The following ZNF385D variants were observed in gnomAD, a reference collection of about 807,000 sequenced individuals.
ZNF385D encodes the protein zinc finger protein 385D.
Under a neutral mutation model 35.8 loss-of-function variants are expected in ZNF385D, and 15 were observed. The ratio of observed to expected loss-of-function variants is 0.42; its 90% CI spans 0.28 to 0.64. The LOEUF (loss-of-function observed/expected upper bound fraction) is 0.64, where lower values mean the gene tolerates loss of function less well. Ranked by LOEUF, ZNF385D falls within the 30% of genes least tolerant of loss-of-function variation. The pLI, the probability that ZNF385D is intolerant of heterozygous loss-of-function variation, is 0.23. For missense variants in ZNF385D, 474 were observed against 494.6 expected, an observed-to-expected ratio of 0.96 and a Z score of 0.39; for synonymous variants, 212 against 186.8, an observed-to-expected ratio of 1.13 and a Z score of -1.10.
intron 2 of ZNF385D, among the ~76,000 whole-genome samples, chr3:22,234,782 T>C (rs1048951324): frequency 1.3e-5 from 2 of 152,064 alleles, no homozygotes; most frequent in African/African-American, 4.8e-5. Flanking sequence ...TACTATGAAA[T>C]ATATTTCTAT....
chr3:22,097,198 C>A (rs558870419), intron 3 of ZNF385D, among the ~76,000 whole-genome samples: 12 of 152,194 alleles, frequency 7.9e-5, no homozygotes, highest in African/African-American at 2.2e-4. Context: ...GATTTATTGG[C>A]AAATATGATT....
At chr3:22,185,466 A>G (rs999375483) in intron 2 of ZNF385D, among the ~76,000 whole-genome samples, 1 of 152,026 alleles carries the variant, frequency 6.6e-6, no homozygotes, top group African/African-American at 2.4e-5. Flanking sequence ...TACCCATTCA[A>G]TGTTCACTTT....
At chr3:21,475,666 C>T (rs1017524865) in intron 4 of ZNF385D, among the ~76,000 whole-genome samples, 2 of 152,074 alleles carry the variant, frequency 1.3e-5, no homozygotes, top group Non-Finnish European at 2.9e-5. Context: ...CCATTCTGCT[C>T]AAAGTTAAAG....
chr3:21,655,335 T>C (rs544959967), intron 2 of ZNF385D, among the ~76,000 whole-genome samples: 25 of 152,146 alleles, frequency 1.6e-4, no homozygotes, highest in African/African-American at 6.0e-4. Context: ...CTCAAATCTT[T>C]TAGATTCAAA....
At chr3:22,264,937 G>T (rs1700821524) in intron 2 of ZNF385D, among the ~76,000 whole-genome samples, 1 of 151,912 alleles carries the variant, frequency 6.6e-6, no homozygotes, top group African/African-American at 2.4e-5. Flanking sequence ...TCTGGGTTCT[G>T]TAGTAGCCTC....
At chr3:21,590,900 T>G (rs1285030560) in intron 2 of ZNF385D, among the ~76,000 whole-genome samples, 1 of 152,082 alleles carries the variant, frequency 6.6e-6, no homozygotes, top group Non-Finnish European at 1.5e-5. Context: ...TAAATAAGTA[T>G]GAAAAATGTT....
At chr3:21,936,638 C>T (rs1701272743) in intron 3 of ZNF385D, among the ~76,000 whole-genome samples, 1 of 151,954 alleles carries the variant, frequency 6.6e-6, no homozygotes, top group African/African-American at 2.4e-5. Flanking sequence ...TAAGTGAAGA[C>T]ATAAACTTCA....
intron 3 of ZNF385D, among the ~76,000 whole-genome samples, chr3:22,107,876 A>T (rs1702307692): frequency 6.6e-6 from 1 of 151,888 alleles, no homozygotes; most frequent in South Asian, 2.1e-4. Context: ...AGGTGTTGTC[A>T]ATGTGATGGT....
chr3:22,332,555 A>G (rs1694987739), intron 2 of ZNF385D, among the ~76,000 whole-genome samples: 1 of 152,194 alleles, frequency 6.6e-6, no homozygotes, highest in Non-Finnish European at 1.5e-5. Context: ...AAGCTTAATA[A>G]AACAAGAGTT....
chr3:21,573,147 C>T (rs1050194779), intron 2 of ZNF385D, among the ~76,000 whole-genome samples: 2 of 151,710 alleles, frequency 1.3e-5, no homozygotes, highest in Non-Finnish European at 2.9e-5. Flanking sequence ...TTTAAACAAA[C>T]AAAAAGGTGA....
intron 2 of ZNF385D, among the ~76,000 whole-genome samples, chr3:22,281,921 G>C (rs1701764668): frequency 6.6e-6 from 1 of 151,824 alleles, no homozygotes; most frequent in Non-Finnish European, 1.5e-5. Context: ...TTTCAATCTT[G>C]CTGCTTGTTA....
chr3:21,812,290 G>T (rs1407524777), intron 3 of ZNF385D, among the ~76,000 whole-genome samples: 1 of 152,368 alleles, frequency 6.6e-6, no homozygotes, highest in Admixed American at 6.5e-5. Flanking sequence ...GAGTGACGCA[G>T]AAGATGGGTG....
intron 3 of ZNF385D, among the ~76,000 whole-genome samples, chr3:22,145,365 C>T (rs1250998771): frequency 6.6e-6 from 1 of 152,196 alleles, no homozygotes; most frequent in South Asian, 2.1e-4. Flanking sequence ...GCTTATACAG[C>T]CTGCAAGCAG....
intron 3 of ZNF385D, among the ~76,000 whole-genome samples, chr3:21,561,183 C>A (rs770188244): frequency 5.9e-5 from 9 of 152,178 alleles, no homozygotes; most frequent in Non-Finnish European, 1.2e-4. Context: ...CCAGAAGCCA[C>A]TGGGGTATGA....
intron 3 of ZNF385D, among the ~76,000 whole-genome samples, chr3:21,862,865 A>G (rs1697133785): frequency 6.6e-6 from 1 of 152,178 alleles, no homozygotes; most frequent in South Asian, 2.1e-4. Flanking sequence ...CTGTTAGCTC[A>G]GTTACAAGTG....
Position 21,861,175 on chromosome 3 carries a change from G to A in ZNF385D, c.326-196147C>T, listed in dbSNP as rs191227284. On this transcript the variant is annotated intron_variant, in intron 3 of 5. Transcript: ENST00000494108. ...CAGGACAGTCCCCGCTTCAGCTTTG[G>A]TGTATCTGGGAAGCCAAATGAACAG... Among the ~76,000 whole-genome samples the A allele has an allele frequency of 5.3e-5, 8 of 152,236 alleles. No homozygotes were observed. The East Asian group carries it at 1.6e-3, about 30-fold the overall frequency.
intron 1 of ZNF385D, among the ~76,000 whole-genome samples, chr3:21,734,551 T>A (rs933894639): frequency 6.6e-6 from 1 of 151,586 alleles, no homozygotes; most frequent in Non-Finnish European, 1.5e-5. Context: ...AAAAAAAAAC[T>A]ATGCATCAAG....
At chr3:21,779,766 G>A (rs776180550) in intron 3 of ZNF385D, among the ~76,000 whole-genome samples, 1 of 151,886 alleles carries the variant, frequency 6.6e-6, no homozygotes, top group Non-Finnish European at 1.5e-5. Context: ...AGAACTCCAA[G>A]TTCCCAGATA....
At chr3:21,802,263 G>T (rs1419678198) in intron 3 of ZNF385D, among the ~76,000 whole-genome samples, 1 of 152,162 alleles carries the variant, frequency 6.6e-6, no homozygotes, top group Non-Finnish European at 1.5e-5. Flanking sequence ...TCCAAAAAAA[G>T]TGGGGAATAA....
Sources: allele counts gnomAD v4.1 joint callset (sites outside exome capture counted in the v4.1 genomes callset), GRCh38; gene constraint gnomAD v4.1.1; transcripts MANE v1.5; gene names NCBI Gene and HGNC (gene_info 2026-07-23, HGNC 2026-07-21).